The following DCAF16 variants were observed in gnomAD, a reference collection of about 807,000 sequenced individuals.
DCAF16 encodes the protein DDB1- and CUL4-associated factor 16.
Under a neutral mutation model 17.3 loss-of-function variants are expected in DCAF16, and 10 were observed. The observed-to-expected ratio is 0.58, with a 90% confidence interval of 0.36 to 0.98. The LOEUF (loss-of-function observed/expected upper bound fraction) is 0.98, where lower values mean the gene tolerates loss of function less well. Among genes scored for constraint, DCAF16 ranks in the 50% least tolerant of loss-of-function variants. The pLI is 0.01. For missense variants in DCAF16, 249 were observed against 247.6 expected, an observed-to-expected ratio of 1.01 and a Z score of -0.04; for synonymous variants, 111 against 92.8, an observed-to-expected ratio of 1.20 and a Z score of -1.12.
chr4:17,803,849 G>A lies in DCAF16; in HGVS notation c.293C>T (p.Ser98Phe). 1 of 1,614,210 alleles carries A rather than the reference G, an allele frequency of 6.2e-7. No homozygotes were observed. The highest frequency in any genetic ancestry group is 8.5e-7 in the Non-Finnish European group (1 of 1,180,028). Residue 98 changes from serine to phenylalanine, a missense_variant, in exon 3 of 3, where the codon TCC (serine) becomes TTC (phenylalanine). Physicochemically the swap from Ser to Phe is radical, Grantham distance 155. Coordinates refer to ENST00000382247, the MANE Select transcript of DCAF16 (RefSeq NM_017741.4). Reference protein sequence around the residue: ...HILREIGLRLSHCSHCVPKLE... With the variant: ...HILREIGLRLFHCSHCVPKLE... The stretch of plus-strand genomic sequence containing the variant: ...TTTGGGGACACAATGGGAACAATGG[G>A]AGAGTCTTAGACCTATCTCTCGAAG...
At chr4:17,804,928 C>T (rs550681423) in intron 2 of DCAF16, among the ~76,000 whole-genome samples, 157 bp from the exon 3 acceptor site, 1 of 152,270 alleles carries the variant, frequency 6.6e-6, no homozygotes, top group Admixed American at 6.5e-5. Flanking sequence ...TTGGTAATAG[C>T]TCTTACAATC....
At position 17,804,048 on chromosome 4, in the gene DCAF16, C is replaced by A. The variant is rs200735316; in HGVS notation, c.94G>T (p.Glu32Ter). ...ISYLNESSGE[E>*]WDSSEEEDSM... is the part of the protein sequence containing the mutation. ...TCCTCTTCTTCAGAGGAATCCCACT[C>A]TTCCCCAGAACTCTCATTTAGGTAA... Residue 32 changes from glutamate to a stop codon, truncating the protein, a stop_gained, in exon 3 of 3, where the codon GAG becomes TAG. Coordinates refer to ENST00000382247, the MANE Select transcript of DCAF16 (RefSeq NM_017741.4). LOFTEE classifies it high-confidence loss of function. 1.9e-6 allele frequency: 3 copies of A among 1,614,062 alleles called. No homozygotes were observed. The highest frequency in any genetic ancestry group is 2.5e-6 in the Non-Finnish European group (3 of 1,180,028).
downstream of DCAF16, among the ~76,000 whole-genome samples, chr4:17,797,150 A>G (rs878946464): frequency 1.3e-5 from 2 of 152,274 alleles, no homozygotes; most frequent in Middle Eastern, 6.8e-3. Context: ...TTACTTAGAC[A>G]TAAGAAAACA....
chr4:17,795,162 G>A, the DCAF16 span, among the ~76,000 whole-genome samples: 2 of 152,100 alleles, frequency 1.3e-5, no homozygotes, highest in Non-Finnish European at 2.9e-5. Flanking sequence ...ATTCTGCGTT[G>A]GAAATCATTT....
Position 17,804,202 on chromosome 4 carries a change from C to G in DCAF16, c.-61G>C. On this transcript the variant is annotated 5_prime_UTR_variant, in exon 3 of 3. Transcript: ENST00000382247. ...ATAATCTAAGCCAGCAGAACACTGA[C>G]TAACACTGGCAAATAGAAATAAGAG... 1 of 1,344,832 alleles carries G rather than the reference C, an allele frequency of 7.4e-7. No homozygotes were observed. Among genetic ancestry groups the G allele is most frequent in the African/African-American group, 1.5e-5 (1 of 67,892 alleles). The allele number at this position is 1,344,832 out of a possible 1,614,324, so 83.3% of individuals were successfully genotyped here.
intron 1 of DCAF16, among the ~76,000 whole-genome samples, chr4:17,805,443 T>TA (rs932388899): frequency 1.2e-4 from 18 of 151,644 alleles, no homozygotes; most frequent in Admixed American, 6.6e-4. Context: ...TAGCTCAAAT[T>TA]AAAAAAAAGT....
chr4:17,795,886 C>T (rs1331031474), downstream of DCAF16, among the ~76,000 whole-genome samples: 3 of 152,168 alleles, frequency 2.0e-5, no homozygotes, highest in Non-Finnish European at 4.4e-5. Flanking sequence ...GAGGGTCAAG[C>T]TGTTTTTTTA....
At chr4:17,810,130 A>C (rs1449911303) in intron 1 of DCAF16, among the ~76,000 whole-genome samples, 2 of 152,182 alleles carry the variant, frequency 1.3e-5, no homozygotes, top group Non-Finnish European at 2.9e-5. Flanking sequence ...TGGATGGTGC[A>C]TCCTGAGATC....
downstream of DCAF16, among the ~76,000 whole-genome samples, chr4:17,798,310 CTTTTTTTTTTT>C (rs61478198): frequency 1.5e-5 from 2 of 131,278 alleles, no homozygotes; most frequent in African/African-American, 2.9e-5. Flanking sequence ...TGTTATTTTC[CTTTTTTTTTTT>C]TTTTTTTTTT....
At chr4:17,806,989 A>AATTC (rs1438810468) in intron 1 of DCAF16, among the ~76,000 whole-genome samples, 8 of 152,210 alleles carry the variant, frequency 5.3e-5, no homozygotes, top group Non-Finnish European at 8.8e-5. Flanking sequence ...GTAAAACTGT[A>AATTC]TTGGAATAAG....
chr4:17,797,210 T>A (rs571139234), downstream of DCAF16, among the ~76,000 whole-genome samples: 2 of 152,266 alleles, frequency 1.3e-5, no homozygotes, highest in East Asian at 3.9e-4. Context: ...CTACATAGAC[T>A]AAAACCCAAG....
chr4:17,794,896 A>G, the DCAF16 span, among the ~76,000 whole-genome samples: 3 of 152,192 alleles, frequency 2.0e-5, no homozygotes, highest in African/African-American at 7.2e-5. Context: ...CAGTTTTCCT[A>G]GATACCTACT....
rs974718803 is a variant in DCAF16 at position 17,802,675 on chromosome 4, TAAAG to T, written c.*812_*815del. 1 of 148,958 alleles carries T rather than the reference TAAAG, an allele frequency of 6.7e-6. No homozygotes were observed. Among genetic ancestry groups the T allele is most frequent in the Non-Finnish European group, 1.5e-5 (1 of 67,566 alleles). The allele number at this position is 148,958 out of a possible 1,614,324, so 9.2% of individuals were successfully genotyped here. On this transcript the variant is annotated 3_prime_UTR_variant, in exon 3 of 3. Coordinates refer to ENST00000382247, the MANE Select transcript of DCAF16 (RefSeq NM_017741.4). ...AAAAAAGAAAAAATAAAAGGAACCCTAAAGAGTGTCATATGTAGGCACATCTATA... is the reference window on the plus strand; with the variant it reads ...AAAAAAGAAAAAATAAAAGGAACCCTAGTGTCATATGTAGGCACATCTATA...
Position 17,803,756 on chromosome 4 carries a change from G to C in DCAF16, c.386C>G (p.Thr129Arg). ...ATCTCTAGAGAGCCGGCTGGGACTT[G>C]TAAGAGGCTTTTGAAAAGGTGGGAC... ...CGVPPFQKPL[T>R]SPSRLSRDHA... Residue 129 changes from threonine to arginine, a missense_variant, in exon 3 of 3, where the codon ACA becomes AGA. Thr to Arg is a moderately conservative substitution (Grantham distance 71). Transcript: ENST00000382247. 6.2e-7 allele frequency: 1 copy of C among 1,614,036 alleles called. No individual in the cohort carries two copies. Among genetic ancestry groups the C allele is most frequent in the South Asian group, 1.1e-5 (1 of 91,080 alleles).
Position 17,804,167 on chromosome 4 carries a change from GA to G in DCAF16, c.-27del. On this transcript the variant is annotated 5_prime_UTR_variant, in exon 3 of 3. Coordinates refer to ENST00000382247, the MANE Select transcript of DCAF16 (RefSeq NM_017741.4). ...CAGAATAAAACACAGTAAGGAACCA[GA>G]AAAAGGTAATAATCTAAGCCAGCAG... 3 of 1,582,630 alleles carry G rather than the reference GA, an allele frequency of 1.9e-6. No individual in the cohort carries two copies. The highest frequency in any genetic ancestry group is 1.2e-5 in the South Asian group (1 of 86,700).
At position 17,803,473 on chromosome 4, in the gene DCAF16, A is replaced by G. The variant is rs1719983322; in HGVS notation, c.*18T>C. ...CTCAATTAGCAACATCAGAGATATC[A>G]GAGCAAATGGTAGATCTTTACAGTG... On this transcript the variant is annotated 3_prime_UTR_variant, in exon 3 of 3. Coordinates refer to ENST00000382247, the MANE Select transcript of DCAF16 (RefSeq NM_017741.4). 1 of 1,604,370 alleles carries G rather than the reference A, an allele frequency of 6.2e-7. No individual in the cohort carries two copies.
chr4:17,803,254 A>C lies in DCAF16; in HGVS notation c.*237T>G. 2.0e-6 allele frequency: 1 copy of C among 492,992 alleles called. No homozygotes were observed. The highest frequency in any genetic ancestry group is 3.6e-6 in the Non-Finnish European group (1 of 274,256). The allele number at this position is 492,992 out of a possible 1,614,324, so 30.5% of individuals were successfully genotyped here. ...TGGCAAGGCTGGTCTCAAACTTCTG[A>C]CTTCAGCAGATCCACCCGCCTCAGC... On this transcript the variant is annotated 3_prime_UTR_variant, in exon 3 of 3. Transcript: ENST00000382247.
chr4:17,803,489 C>T lies in DCAF16; in HGVS notation c.*2G>A. On this transcript the variant is annotated 3_prime_UTR_variant, in exon 3 of 3. Transcript: ENST00000382247. ...AGAGATATCAGAGCAAATGGTAGAT[C>T]TTTACAGTGATGCAGTTAGGAGTTT... 1 of 1,612,138 alleles carries T rather than the reference C, an allele frequency of 6.2e-7. No individual in the cohort carries two copies. Among genetic ancestry groups the T allele is most frequent in the Non-Finnish European group, 8.5e-7 (1 of 1,178,624 alleles).
At position 17,801,210 on chromosome 4, in the gene DCAF16, C is replaced by A. The variant is rs894366571; in HGVS notation, c.*2281G>T. ...GTGGCGCGATCTCAGCTCATTGCAA[C>A]CTCCACCTCCCAGGTTCAAGCAATT... On this transcript the variant is annotated 3_prime_UTR_variant, in exon 3 of 3. Coordinates refer to ENST00000382247, the MANE Select transcript of DCAF16 (RefSeq NM_017741.4). 6.6e-6 allele frequency: 1 copy of A among 152,034 alleles called. No homozygotes were observed. The highest frequency in any genetic ancestry group is 1.5e-5 in the Non-Finnish European group (1 of 68,054). The allele number at this position is 152,034 out of a possible 1,614,324, so 9.4% of individuals were successfully genotyped here.
Sources: allele counts gnomAD v4.1 joint callset (sites outside exome capture counted in the v4.1 genomes callset), GRCh38; gene constraint gnomAD v4.1.1; transcripts MANE v1.5; gene names NCBI Gene and HGNC (gene_info 2026-07-23, HGNC 2026-07-21).